The following DNAH3 variants were observed in gnomAD, a reference collection of about 807,000 sequenced individuals.
DNAH3 encodes the protein axonemal beta dynein heavy chain 3.
In DNAH3, 332 loss-of-function variants were observed where a neutral mutation model predicts 432.5. The ratio of observed to expected loss-of-function variants is 0.77; its 90% CI spans 0.70 to 0.84. DNAH3 has a LOEUF of 0.84. Among genes scored for constraint, DNAH3 ranks in the 40% least tolerant of loss-of-function variants. DNAH3 has a pLI of 0.00. For missense variants in DNAH3, 4,861 were observed against 5,114.0 expected (o/e 0.95, Z 1.51); for synonymous variants, 1,956 against 1,900.2 (o/e 1.03, Z -0.76).
At position 21,155,478 on chromosome 16, in the gene DNAH3, T is replaced by C. The variant is rs376686519; in HGVS notation, c.117+3847A>G. Among the ~76,000 whole-genome samples, 199 of 151,750 alleles carry C rather than the reference T, an allele frequency of 1.3e-3. 1 individual carries two copies. The highest frequency in any genetic ancestry group is 4.3e-3 in the African/African-American group (180 of 41,444). On this transcript the variant is annotated intron_variant, in intron 1 of 61. Coordinates refer to ENST00000261383, the Ensembl canonical transcript of DNAH3. ...CTCTACTAAAAATACAAAAATTAGC[T>C]GGGCGTGGCGGCACATGCCTGTAAT...
At chr16:20,934,107 A>C (rs1453636404) in intron 61 of DNAH3, among the ~76,000 whole-genome samples, 1 of 152,194 alleles carries the variant, frequency 6.6e-6, no homozygotes. Context: ...TGGACAAAGC[A>C]TAGGAGAATA....
rs202158372 is a variant in DNAH3 at position 21,067,399 on chromosome 16, C to T, written c.3402G>A (p.Leu1134=). Residue 1134 remains leucine, a synonymous_variant, in exon 24 of 62, where the codon CTG becomes CTA. Coordinates refer to ENST00000261383, the Ensembl canonical transcript of DNAH3. The stretch of plus-strand genomic sequence containing the variant: ...CCATCCGTGGCTGGTCGGCTGCCAC[C>T]AGAATCCTGTTATCTTTCACCTGGG... 1.8e-5 allele frequency: 29 copies of T among 1,613,878 alleles called. No individual in the cohort carries two copies. The African/African-American group carries it at 3.7e-4, about 21-fold the overall frequency.
intron 51 of DNAH3, among the ~76,000 whole-genome samples, chr16:20,972,727 C>T (rs1446304638): frequency 6.9e-6 from 1 of 145,374 alleles, no homozygotes; most frequent in Non-Finnish European, 1.5e-5. Flanking sequence ...CCTTCTGAGA[C>T]AATGCCCCGT....
intron 44 of DNAH3, 83 bp from the exon 45 acceptor site, chr16:20,988,148 G>C: frequency 6.4e-7 from 1 of 1,562,200 alleles, no homozygotes; most frequent in Non-Finnish European, 8.7e-7. Context: ...CACACGAGGT[G>C]GCTTTGCCTT....
At chr16:21,021,987 C>A (rs778064873) in exon 40 of DNAH3, 3 of 1,613,682 alleles carry the variant, frequency 1.9e-6, no homozygotes, top group Admixed American at 1.7e-5. Context: ...GAGAAGAGTA[C>A]AGTCTCATCA....
At chr16:21,153,897 C>T (rs1393084149) in intron 1 of DNAH3, among the ~76,000 whole-genome samples, 1 of 152,202 alleles carries the variant, frequency 6.6e-6, no homozygotes, top group Non-Finnish European at 1.5e-5. Flanking sequence ...GCTTTCCATC[C>T]TTTCAAAATA....
chr16:21,120,479 CATT>C, intron 11 of DNAH3: 2 of 546,254 alleles, frequency 3.7e-6, no homozygotes, highest in South Asian at 2.1e-5. Context: ...CACCAGTTGC[CATT>C]CTTAAAGATT....
At chr16:21,121,617 T>TTTTG (rs2092343407) in intron 10 of DNAH3, among the ~76,000 whole-genome samples, 1 of 151,256 alleles carries the variant, frequency 6.6e-6, no homozygotes. Context: ...TTTTTTTTTT[T>TTTTG]TGGAGATGGA....
intron 7 of DNAH3, among the ~76,000 whole-genome samples, chr16:21,130,269 G>A (rs368930837): frequency 1.1e-4 from 17 of 151,174 alleles, no homozygotes; most frequent in African/African-American, 3.2e-4. Context: ...AAGGAAGAGC[G>A]GAAACTAATA....
rs202111258 is a variant in DNAH3, at chr16:20,975,232, C to G, written c.8259+1G>C. On this transcript the variant is annotated splice_donor_variant, in intron 51 of 61. Coordinates refer to ENST00000261383, the Ensembl canonical transcript of DNAH3. LOFTEE classifies it high-confidence loss of function. ...CCTCCCTTTCTTCTCAGTCTTTCTA[C>G]CTTGATTCCTTGGGCAATGGCAGCA... 1.2e-5 allele frequency: 19 copies of G among 1,612,950 alleles called. No homozygotes were observed. The highest frequency in any genetic ancestry group is 1.8e-4 in the Middle Eastern group (1 of 5,456).
rs77556228 is a variant in DNAH3 at position 21,032,065 on chromosome 16, T to C, written c.5198-779A>G. Among the ~76,000 whole-genome samples, 9 of 148,232 alleles carry C rather than the reference T, an allele frequency of 6.1e-5. No homozygotes were observed. In the East Asian group the frequency reaches 1.8e-3, roughly 29 times the overall value. ...AAAAAAAAATCCAGGACTAAAGAAATCTGACTGCCCTCACAGAACTCAAGC... is the reference window on the plus strand; with the variant it reads ...AAAAAAAAATCCAGGACTAAAGAAACCTGACTGCCCTCACAGAACTCAAGC... On this transcript the variant is annotated intron_variant, in intron 36 of 61. Transcript: ENST00000261383.
intron 58 of DNAH3, 24 bp from the exon 59 acceptor site, chr16:20,941,567 G>A (rs2083810485): frequency 6.2e-7 from 1 of 1,613,130 alleles, no homozygotes; most frequent in African/African-American, 1.3e-5. Context: ...CAGAAGAGAG[G>A]TGAGTGAGAA....
At chr16:21,103,251 G>C (rs564321649) in intron 16 of DNAH3, among the ~76,000 whole-genome samples, 106 of 146,556 alleles carry the variant, frequency 7.2e-4, no homozygotes, top group African/African-American at 2.5e-3. Context: ...CAAAATCTCA[G>C]AAATCACCAC....
chr16:21,072,560 C>G (rs1370972456), intron 21 of DNAH3, among the ~76,000 whole-genome samples: 1 of 152,110 alleles, frequency 6.6e-6, no homozygotes, highest in African/African-American at 2.4e-5. Context: ...CTCCTGACCT[C>G]AAGTGATCTG....
chr16:21,067,419 C>G (rs202131245), exon 24 of DNAH3: 1 of 1,613,550 alleles, frequency 6.2e-7, no homozygotes, highest in South Asian at 1.1e-5. Context: ...TTATCTTTCA[C>G]CTGGGTTCCA....
At chr16:21,146,370 A>T (rs1470709962) in intron 1 of DNAH3, among the ~76,000 whole-genome samples, 1 of 152,166 alleles carries the variant, frequency 6.6e-6, no homozygotes, top group Admixed American at 6.5e-5. Context: ...AGCCTGACCA[A>T]TATGGTGAAA....
chr16:20,959,271 T>C (rs1273211734), exon 54 of DNAH3: 1 of 1,614,178 alleles, frequency 6.2e-7, no homozygotes, highest in Non-Finnish European at 8.5e-7. Context: ...GGCAGTTCTG[T>C]AAGACCACCC....
At chr16:21,081,416 G>C (rs2091181747) in intron 20 of DNAH3, among the ~76,000 whole-genome samples, 1 of 150,914 alleles carries the variant, frequency 6.6e-6, no homozygotes. Context: ...TAAAATCCAT[G>C]ACTCAATTTT....
exon 62 of DNAH3, chr16:20,933,446 A>T: frequency 1.2e-6 from 2 of 1,613,858 alleles, no homozygotes; most frequent in Non-Finnish European, 1.7e-6. Flanking sequence ...TTCTAAGAAG[A>T]GCCCTTTGAT....
Sources: gnomAD v4.1 joint callset for allele counts (sites outside exome capture counted in the v4.1 genomes callset) on GRCh38, gnomAD v4.1.1 for gene constraint, MANE v1.5 for transcripts, NCBI Gene and HGNC (gene_info 2026-07-23, HGNC 2026-07-21) for gene names.